The following SOS1 variants were observed in gnomAD, a reference collection of about 807,000 sequenced individuals.
SOS1 encodes SOS Ras/Rac guanine nucleotide exchange factor 1.
In SOS1, 25 loss-of-function variants were observed where a neutral mutation model predicts 157.6. The ratio of observed to expected loss-of-function variants is 0.16; its 90% CI spans 0.12 to 0.22. The LOEUF is 0.22. Ranked by LOEUF, SOS1 falls within the 10% of genes least tolerant of loss-of-function variation. The pLI is 1.00. For missense variants in SOS1, 1,237 were observed against 1,599.1 expected, an observed-to-expected ratio of 0.77 and a Z score of 3.86; for synonymous variants, 528 against 534.0, an observed-to-expected ratio of 0.99 and a Z score of 0.16.
intron 1 of SOS1, among the ~76,000 whole-genome samples, chr2:39,107,071 T>G (rs1484943075): frequency 1.3e-5 from 2 of 152,030 alleles, no homozygotes; most frequent in East Asian, 3.9e-4. Flanking sequence ...AGAATTCACC[T>G]TAAGGCATCC....
intron 6 of SOS1, among the ~76,000 whole-genome samples, chr2:39,039,303 T>C (rs761986792): frequency 6.6e-6 from 1 of 152,234 alleles, no homozygotes; most frequent in South Asian, 2.1e-4. Flanking sequence ...TATGCCTGTA[T>C]AACTTAGTGT....
intron 12 of SOS1, 54 bp downstream of exon 12, chr2:39,013,813 C>T: frequency 6.6e-7 from 1 of 1,526,244 alleles, no homozygotes; most frequent in East Asian, 2.3e-5. Flanking sequence ...TATACTTCAA[C>T]ATTGAAACGA....
At chr2:39,036,007 G>A (rs569488021) in intron 6 of SOS1, among the ~76,000 whole-genome samples, 11 of 152,068 alleles carry the variant, frequency 7.2e-5, no homozygotes, top group East Asian at 3.9e-4. Context: ...AACAAAATCC[G>A]AACTGCCCAA....
intron 20 of SOS1, chr2:38,993,514 C>T (rs6752850): frequency 0.93 from 141,838 of 152,270 alleles, 66,164 homozygotes; most frequent in African/African-American, 0.94. Context: ...TAACTACAGA[C>T]GTATGTATAC....
At chr2:39,036,371 A>T (rs1458118054) in intron 6 of SOS1, among the ~76,000 whole-genome samples, 1 of 151,950 alleles carries the variant, frequency 6.6e-6, no homozygotes, top group African/African-American at 2.4e-5. Flanking sequence ...TTGAAACAGG[A>T]TCTTGGTCTT....
chr2:39,033,073 CT>C (rs775332046), intron 8 of SOS1, among the ~76,000 whole-genome samples: 118 of 142,128 alleles, frequency 8.3e-4, no homozygotes, highest in East Asian at 1.2e-3. Context: ...TCTTTTTCTT[CT>C]TTTTTTTTTT....
intron 1 of SOS1, among the ~76,000 whole-genome samples, chr2:39,071,088 G>A (rs138115096): frequency 7.9e-5 from 12 of 152,002 alleles, no homozygotes; most frequent in East Asian, 5.8e-4. Context: ...GGTTGGTCTC[G>A]AACCCCTGAC....
chr2:38,989,409 C>A, intron 20 of SOS1, 95 bp from the exon 21 acceptor site: 1 of 794,930 alleles, frequency 1.3e-6, no homozygotes, highest in South Asian at 1.5e-5. Context: ...ATGTTATTGT[C>A]ATTGTCGTTT....
intron 1 of SOS1, among the ~76,000 whole-genome samples, chr2:39,090,010 C>T (rs1000616174): frequency 2.7e-4 from 41 of 150,374 alleles, no homozygotes; most frequent in African/African-American, 9.0e-4. Context: ...CATGGTGGCA[C>T]ACGCTTGTAA....
intron 17 of SOS1, 118 bp from the exon 18 acceptor site, chr2:38,997,543 A>G: frequency 4.7e-6 from 3 of 638,064 alleles, no homozygotes; most frequent in Non-Finnish European, 8.1e-6. Flanking sequence ...CAAAAGAACC[A>G]AGGCTCAGAT....
At chr2:39,123,317 A>G (rs1267148911), upstream of SOS1, among the ~76,000 whole-genome samples, 7 of 151,858 alleles carry the variant, frequency 4.6e-5, no homozygotes, top group Admixed American at 4.6e-4. Flanking sequence ...TCCTGCCCCC[A>G]AATAAAATGT....
intron 1 of SOS1, among the ~76,000 whole-genome samples, chr2:39,077,602 C>T (rs1051418295): frequency 4.6e-5 from 7 of 152,016 alleles, no homozygotes; most frequent in African/African-American, 1.4e-4. Context: ...CATGATTACG[C>T]TACAGTGATT....
At chr2:38,990,437 G>A (rs908488096) in intron 20 of SOS1, among the ~76,000 whole-genome samples, 1 of 152,102 alleles carries the variant, frequency 6.6e-6, no homozygotes. Context: ...ACATGAAGCT[G>A]TTGCTCTGCC....
upstream of SOS1, among the ~76,000 whole-genome samples, chr2:39,121,224 C>T (rs1673882676): frequency 6.6e-6 from 1 of 152,082 alleles, no homozygotes; most frequent in South Asian, 2.1e-4. Flanking sequence ...GAAGTCGCAC[C>T]CTGGCAAAGT....
At chr2:39,004,454 A>AAAG (rs1437654291) in intron 17 of SOS1, among the ~76,000 whole-genome samples, 2 of 151,520 alleles carry the variant, frequency 1.3e-5, no homozygotes, top group Non-Finnish European at 2.9e-5. Context: ...AAACAGGGAA[A>AAAG]AAGTAGAATC....
intron 21 of SOS1, among the ~76,000 whole-genome samples, chr2:38,988,657 C>T (rs1235607307): frequency 6.6e-6 from 1 of 151,890 alleles, no homozygotes. Context: ...TAGTATTTTC[C>T]ATTGTACATA....
intron 6 of SOS1, among the ~76,000 whole-genome samples, chr2:39,045,915 T>C (rs1357477349): frequency 6.6e-6 from 1 of 152,120 alleles, no homozygotes; most frequent in Non-Finnish European, 1.5e-5. Flanking sequence ...GGTTTCACCA[T>C]GTTGGCCAGG....
At chr2:39,009,369 A>C (rs1242864332) in intron 15 of SOS1, among the ~76,000 whole-genome samples, 1 of 152,238 alleles carries the variant, frequency 6.6e-6, no homozygotes, top group East Asian at 1.9e-4. Context: ...CACCCTCCAG[A>C]AGAAATACTA....
chr2:39,029,895 G>A (rs1165345272), intron 8 of SOS1, among the ~76,000 whole-genome samples: 2 of 152,028 alleles, frequency 1.3e-5, no homozygotes, highest in South Asian at 2.1e-4. Context: ...CACCAGACTC[G>A]GTGGCTTACG....
Sources: gnomAD v4.1 joint callset for allele counts (sites outside exome capture counted in the v4.1 genomes callset) on GRCh38, gnomAD v4.1.1 for gene constraint, MANE v1.5 for transcripts, NCBI Gene and HGNC (gene_info 2026-07-23, HGNC 2026-07-21) for gene names.